The following PDSS2 variants were observed in gnomAD, a reference collection of about 807,000 sequenced individuals.
The protein encoded by PDSS2 is all trans-polyprenyl-diphosphate synthase PDSS2.
Under a neutral mutation model 44.5 loss-of-function variants are expected in PDSS2, and 31 were observed. The observed-to-expected ratio is 0.70, with a 90% CI of 0.52 to 0.94. The LOEUF is 0.94. Among genes scored for constraint, PDSS2 ranks in the 40% least tolerant of loss-of-function variants. The pLI, the probability that PDSS2 is intolerant of heterozygous loss-of-function variation, is 0.00. For synonymous variants in PDSS2, 157 were observed against 180.3 expected, an observed-to-expected ratio of 0.87 and a Z score of 1.03; for missense variants, 452 against 482.2, an observed-to-expected ratio of 0.94 and a Z score of 0.59.
chr6:107,342,925 C>T (rs1019761337), intron 1 of PDSS2, among the ~76,000 whole-genome samples: 4 of 152,066 alleles, frequency 2.6e-5, no homozygotes, highest in Admixed American at 6.5e-5. Flanking sequence ...GGCAAGGAAC[C>T]CCTTTCAATG....
intron 3 of PDSS2, among the ~76,000 whole-genome samples, chr6:107,271,024 C>A (rs1201899036): frequency 6.6e-6 from 1 of 152,190 alleles, no homozygotes; most frequent in Non-Finnish European, 1.5e-5. Flanking sequence ...ATAATCAGTG[C>A]AATCACTTAG....
At chr6:107,296,042 G>A (rs948263081) in intron 2 of PDSS2, among the ~76,000 whole-genome samples, 6 of 152,138 alleles carry the variant, frequency 3.9e-5, no homozygotes, top group South Asian at 2.1e-4. Flanking sequence ...CTGGGTCGTG[G>A]TTCACCTGGT....
chr6:107,163,846 G>A (rs545267493), intron 7 of PDSS2, among the ~76,000 whole-genome samples: 18 of 152,170 alleles, frequency 1.2e-4, no homozygotes, highest in Admixed American at 2.6e-4. Context: ...CAGGTGATCC[G>A]TCCACCTCGG....
chr6:107,363,239 A>G (rs1415530870), intron 1 of PDSS2, among the ~76,000 whole-genome samples: 1 of 152,228 alleles, frequency 6.6e-6, no homozygotes, highest in Non-Finnish European at 1.5e-5. Flanking sequence ...CATCAGAGAC[A>G]AACTGTTGAA....
intron 4 of PDSS2, among the ~76,000 whole-genome samples, chr6:107,237,954 TG>T (rs1179268749): frequency 6.6e-6 from 1 of 151,612 alleles, no homozygotes; most frequent in Non-Finnish European, 1.5e-5. Context: ...GAAGTTATCT[TG>T]CCCCACAAAA....
chr6:107,335,909 A>C (rs1341204728), intron 1 of PDSS2, among the ~76,000 whole-genome samples: 1 of 151,870 alleles, frequency 6.6e-6, no homozygotes, highest in Non-Finnish European at 1.5e-5. Context: ...TTTTTGAACA[A>C]AGAATCAATT....
At chr6:107,202,342 T>G (rs762444254) in intron 6 of PDSS2, among the ~76,000 whole-genome samples, 5 of 151,790 alleles carry the variant, frequency 3.3e-5, no homozygotes, top group Non-Finnish European at 4.4e-5. Flanking sequence ...CCCAGCCCTA[T>G]AATGCTATTT....
intron 7 of PDSS2, among the ~76,000 whole-genome samples, chr6:107,187,534 G>T (rs531442883): frequency 6.6e-6 from 1 of 151,988 alleles, no homozygotes; most frequent in South Asian, 2.1e-4. Flanking sequence ...GTGTGGTGGC[G>T]CATGCCTATA....
At chr6:107,223,173 C>T (rs1048588883) in intron 4 of PDSS2, among the ~76,000 whole-genome samples, 36 of 150,766 alleles carry the variant, frequency 2.4e-4, no homozygotes, top group Non-Finnish European at 5.0e-4. Flanking sequence ...TCATGATCCG[C>T]CCGCCTCAGC....
intron 1 of PDSS2, among the ~76,000 whole-genome samples, chr6:107,420,072 T>C (rs768381325): frequency 8.5e-5 from 13 of 152,318 alleles, no homozygotes; most frequent in South Asian, 6.2e-4. Context: ...CTTACCTATC[T>C]ACTCTTCTGC....
intron 1 of PDSS2, among the ~76,000 whole-genome samples, chr6:107,395,363 ATTACT>A (rs1779909253): frequency 1.3e-5 from 2 of 152,090 alleles, no homozygotes; most frequent in South Asian, 2.1e-4. Context: ...TTGAAACATT[ATTACT>A]TTATTTTTCT....
intron 1 of PDSS2, among the ~76,000 whole-genome samples, chr6:107,382,027 C>CTGAT (rs1779469598): frequency 6.6e-6 from 1 of 152,192 alleles, no homozygotes; most frequent in Non-Finnish European, 1.5e-5. Flanking sequence ...TGGGGAGCCT[C>CTGAT]TGAAGAATTT....
intron 1 of PDSS2, among the ~76,000 whole-genome samples, chr6:107,457,570 A>G (rs992224705): frequency 6.6e-6 from 1 of 152,184 alleles, no homozygotes; most frequent in Non-Finnish European, 1.5e-5. Flanking sequence ...ATGTGCCTCC[A>G]TTCGTGACAA....
intron 4 of PDSS2, among the ~76,000 whole-genome samples, chr6:107,230,389 A>T (rs1162212096): frequency 6.6e-6 from 1 of 152,110 alleles, no homozygotes. Flanking sequence ...AGAAGCCTCC[A>T]GTTAAACTCT....
chr6:107,364,701 T>C (rs888577276), intron 1 of PDSS2, among the ~76,000 whole-genome samples: 1 of 151,202 alleles, frequency 6.6e-6, no homozygotes, highest in Non-Finnish European at 1.5e-5. Flanking sequence ...CACAGTGCAG[T>C]GGGGGGGCTG....
intron 6 of PDSS2, among the ~76,000 whole-genome samples, chr6:107,197,420 T>C (rs1317001672): frequency 1.4e-5 from 2 of 142,766 alleles, no homozygotes; most frequent in African/African-American, 5.3e-5. Context: ...CAGTGAGCTA[T>C]GATTGTGCCT....
chr6:107,155,954 A>T (rs1770878187), intron 7 of PDSS2, among the ~76,000 whole-genome samples: 1 of 120,250 alleles, frequency 8.3e-6, no homozygotes, highest in Admixed American at 1.1e-4. Context: ...CAGTGGCATG[A>T]TCTTGTCTCA....
chr6:107,445,568 C>T (rs1003873972), intron 1 of PDSS2, among the ~76,000 whole-genome samples: 3 of 152,196 alleles, frequency 2.0e-5, no homozygotes, highest in Admixed American at 2.0e-4. Flanking sequence ...AATAGCCTCA[C>T]ATCAATCCAG....
chr6:107,229,159 GA>G (rs1309069969), intron 4 of PDSS2, among the ~76,000 whole-genome samples: 2 of 146,176 alleles, frequency 1.4e-5, no homozygotes, highest in Non-Finnish European at 2.9e-5. Context: ...TAACTCCAAG[GA>G]AAAAAAATAC....
Sources: gnomAD v4.1 joint callset for allele counts (sites outside exome capture counted in the v4.1 genomes callset) on GRCh38, gnomAD v4.1.1 for gene constraint, MANE v1.5 for transcripts, NCBI Gene and HGNC (gene_info 2026-07-23, HGNC 2026-07-21) for gene names.